Variants in AGBL4 observed in about 807,000 individuals in gnomAD.
AGBL4 encodes AGBL carboxypeptidase 4, also known as cytosolic carboxypeptidase 6.
Under a neutral mutation model 66.4 loss-of-function variants are expected in AGBL4, and 58 were observed. The ratio of observed to expected loss-of-function variants is 0.87; its 90% CI spans 0.71 to 1.09. The LOEUF is 1.09. AGBL4 is among the 50% of genes least tolerant of loss of function. The pLI, the probability that AGBL4 is intolerant of heterozygous loss-of-function variation, is 0.00. For synonymous variants in AGBL4, 234 were observed against 222.9 expected (o/e 1.05, Z -0.44); for missense variants, 579 against 631.0 (o/e 0.92, Z 0.88).
chr1:49,383,631 A>T (rs963979883), intron 3 of AGBL4, among the ~76,000 whole-genome samples: 14 of 152,162 alleles, frequency 9.2e-5, no homozygotes, highest in Non-Finnish European at 7.3e-5. Context: ...GTCACACTAT[A>T]TCCAAAAATT....
intron 4 of AGBL4, among the ~76,000 whole-genome samples, chr1:49,123,106 G>T (rs534123026): frequency 6.6e-6 from 1 of 152,238 alleles, no homozygotes; most frequent in Admixed American, 6.5e-5. Flanking sequence ...GCCCGCCTTG[G>T]CCTCCCAAAG....
At chr1:49,097,134 A>C (rs1430711852) in intron 4 of AGBL4, among the ~76,000 whole-genome samples, 1 of 152,216 alleles carries the variant, frequency 6.6e-6, no homozygotes, top group Non-Finnish European at 1.5e-5. Context: ...AGAAACTCAT[A>C]CAATATACAT....
intron 1 of AGBL4, among the ~76,000 whole-genome samples, chr1:49,908,528 G>A (rs1380962780): frequency 6.6e-6 from 1 of 152,190 alleles, no homozygotes; most frequent in Non-Finnish European, 1.5e-5. Context: ...ACCAGAAGCA[G>A]ATGCCAACAT....
intron 5 of AGBL4, among the ~76,000 whole-genome samples, chr1:48,932,438 T>C (rs1395422194): frequency 6.6e-6 from 1 of 152,156 alleles, no homozygotes; most frequent in Non-Finnish European, 1.5e-5. Context: ...ATGGGGATGA[T>C]ATTTCTGATC....
At chr1:49,971,906 G>GGTTTTTTTTTTTTTTTTTT (rs1658126934) in intron 1 of AGBL4, among the ~76,000 whole-genome samples, 1 of 43,442 alleles carries the variant, frequency 2.3e-5, no homozygotes, top group African/African-American at 7.3e-5. Flanking sequence ...GGTTTTTTTG[G>GGTTTTTTTTTTTTTTTTTT]GTTTTTTTTT....
chr1:49,143,311 TC>T (rs879513705), intron 4 of AGBL4, among the ~76,000 whole-genome samples: 6 of 152,198 alleles, frequency 3.9e-5, no homozygotes, highest in Admixed American at 3.9e-4. Context: ...AGGTAACATC[TC>T]CTCATGAATA....
rs566691471 is a variant in AGBL4 at position 49,627,661 on chromosome 1, A to G, written c.282+69652T>C. On this transcript the variant is annotated intron_variant, in intron 3 of 13. Transcript: ENST00000371839. ...CATTTTTTTGTTAACCACCCTGCAT[A>G]TGGCTATAATGCAGGTACCATATAT... 6.6e-5 allele frequency among the ~76,000 whole-genome samples: 10 copies of G among 152,288 alleles called. No individual in the cohort carries two copies. In the South Asian group the frequency reaches 2.1e-3, roughly 32 times the overall value.
intron 6 of AGBL4, among the ~76,000 whole-genome samples, chr1:48,846,407 AAGAAAGAAAGAAAG>A (rs1175517347): frequency 6.6e-6 from 1 of 151,646 alleles, no homozygotes; most frequent in African/African-American, 2.4e-5. Context: ...GAAAGAAAGA[AAGAAAGAAAGAAAG>A]AAATTCATTT....
intron 1 of AGBL4, among the ~76,000 whole-genome samples, chr1:49,874,728 A>T (rs1189757062): frequency 6.6e-6 from 1 of 152,150 alleles, no homozygotes; most frequent in Non-Finnish European, 1.5e-5. Flanking sequence ...ACATGTATTG[A>T]AACTCTGCTA....
intron 1 of AGBL4, chr1:49,995,347 T>C (rs1264017394): frequency 4.4e-6 from 2 of 450,692 alleles, no homozygotes; most frequent in South Asian, 1.6e-5. Context: ...CAGGCTGCGT[T>C]GGAGCTGGAT....
intron 3 of AGBL4, among the ~76,000 whole-genome samples, chr1:49,396,046 G>A (rs530093093): frequency 2.0e-4 from 30 of 151,362 alleles, no homozygotes; most frequent in Admixed American, 4.6e-4. Flanking sequence ...CCAGTAACCA[G>A]AAAGTTATAT....
chr1:49,221,223 G>T lies in AGBL4; in HGVS notation c.377+24547C>A, dbSNP rs1467897443. Among the ~76,000 whole-genome samples, 3 of 151,994 alleles carry T rather than the reference G, an allele frequency of 2.0e-5. No individual in the cohort carries two copies. The East Asian group carries it at 5.8e-4, about 29-fold the overall frequency. On this transcript the variant is annotated intron_variant, in intron 4 of 13. Transcript: ENST00000371839. Reference sequence around the variant, plus strand: ...GATTTTTGTTTCAAAAAAAACAAAAGAATCAATCAATCAAATCTAAGCATT... The same window carrying T: ...GATTTTTGTTTCAAAAAAAACAAAATAATCAATCAATCAAATCTAAGCATT...
At chr1:48,557,891 T>C (rs1188853802) in intron 11 of AGBL4, among the ~76,000 whole-genome samples, 1 of 150,992 alleles carries the variant, frequency 6.6e-6, no homozygotes, top group Non-Finnish European at 1.5e-5. Flanking sequence ...CCACTGTTCT[T>C]GGCCTGTCTC....
chr1:49,548,714 C>G (rs1365882455), intron 3 of AGBL4, among the ~76,000 whole-genome samples: 4 of 152,090 alleles, frequency 2.6e-5, no homozygotes. Context: ...CTATGTTCAT[C>G]AAGGATATCA....
intron 1 of AGBL4, among the ~76,000 whole-genome samples, chr1:49,940,236 A>G (rs1338399250): frequency 6.6e-6 from 1 of 152,150 alleles, no homozygotes; most frequent in Non-Finnish European, 1.5e-5. Context: ...AAATAGGAAC[A>G]CTTTTACACT....
intron 4 of AGBL4, among the ~76,000 whole-genome samples, chr1:49,102,171 C>T (rs2148003536): frequency 6.6e-6 from 1 of 152,216 alleles, no homozygotes; most frequent in South Asian, 2.1e-4. Flanking sequence ...ATCAGCCATT[C>T]CATAGCTAAG....
intron 3 of AGBL4, among the ~76,000 whole-genome samples, chr1:49,483,508 G>C (rs919760422): frequency 2.0e-5 from 3 of 151,528 alleles, no homozygotes; most frequent in Non-Finnish European, 4.4e-5. Flanking sequence ...ACAAGACCCA[G>C]AATAGCCAAT....
chr1:49,245,915 T>C (rs1208679601), intron 3 of AGBL4, 51 bp from the exon 4 acceptor site: 9 of 1,324,748 alleles, frequency 6.8e-6, no homozygotes, highest in Non-Finnish European at 9.5e-6. Context: ...AAATTGTAAC[T>C]TCCTGATAAT....
intron 3 of AGBL4, among the ~76,000 whole-genome samples, chr1:49,318,529 G>T (rs1206419997): frequency 6.6e-6 from 1 of 151,668 alleles, no homozygotes; most frequent in East Asian, 1.9e-4. Context: ...CAACATTAAG[G>T]GTAGGAAACT....
Sources: gnomAD v4.1 joint callset for allele counts (sites outside exome capture counted in the v4.1 genomes callset) on GRCh38, gnomAD v4.1.1 for gene constraint, MANE v1.5 for transcripts, NCBI Gene and HGNC (gene_info 2026-07-23, HGNC 2026-07-21) for gene names.